The following SPTSSB variants were observed in gnomAD, a reference collection of about 807,000 sequenced individuals.
SPTSSB encodes the protein serine palmitoyltransferase small subunit B, also known as androgen down regulated in mouse prostate.
In SPTSSB, 6 loss-of-function variants were observed where a neutral mutation model predicts 7.7. The ratio of observed to expected loss-of-function variants is 0.78; its 90% CI spans 0.43 to 1.54. The LOEUF is 1.54. Ranked by LOEUF, SPTSSB falls within the 40% of genes most tolerant of loss-of-function variation. SPTSSB has a pLI of 0.01. For synonymous variants in SPTSSB, 28 were observed against 29.7 expected, an observed-to-expected ratio of 0.94 and a Z score of 0.19; for missense variants, 91 against 93.0, an observed-to-expected ratio of 0.98 and a Z score of 0.09.
chr3:161,368,636 C>T (rs1715322528), intron 1 of SPTSSB, among the ~76,000 whole-genome samples: 1 of 152,074 alleles, frequency 6.6e-6, no homozygotes, highest in African/African-American at 2.4e-5. Flanking sequence ...CCGTTTTAGC[C>T]GGGATGGTCT....
intron 1 of SPTSSB, among the ~76,000 whole-genome samples, chr3:161,362,752 T>C (rs899269262): frequency 6.6e-6 from 1 of 152,160 alleles, no homozygotes. Context: ...ATTTAACATA[T>C]ATTATTCATA....
rs1418735647 is a variant in SPTSSB at position 161,359,800 on chromosome 3, G to A, written n.178C>T. On this transcript the variant is annotated non_coding_transcript_exon_variant, in exon 2 of 2. Transcript: ENST00000497374. Reference sequence around the variant, plus strand: ...TCCGTGATATAATCAGAATTTACTTGCCTAAGAAAGTCCAGGTCTGGTTCT... The same window carrying A: ...TCCGTGATATAATCAGAATTTACTTACCTAAGAAAGTCCAGGTCTGGTTCT... 1.0e-6 allele frequency: 1 copy of A among 985,276 alleles called. No individual in the cohort carries two copies. The highest frequency in any genetic ancestry group is 1.2e-6 in the Non-Finnish European group (1 of 829,938). 61.0% of individuals were successfully genotyped at this position (985,276 alleles called of 1,614,324 possible).
intron 2 of SPTSSB, among the ~76,000 whole-genome samples, chr3:161,350,887 T>A (rs1714504228): frequency 6.6e-6 from 1 of 152,108 alleles, no homozygotes; most frequent in South Asian, 2.1e-4. Context: ...ATAATCTTCA[T>A]GATATGATGT....
At position 161,346,152 on chromosome 3, in the gene SPTSSB, G is replaced by A. The variant is rs745729640; in HGVS notation, c.172C>T (p.Arg58Cys). 4.3e-6 allele frequency: 7 copies of A among 1,612,200 alleles called. No individual in the cohort carries two copies. In the African/African-American group the frequency reaches 5.3e-5, roughly 12 times the overall value. The change falls in exon 3 of 3, where the codon CGC becomes TGC. Residue 58 changes from arginine (R) to cysteine (C), a missense_variant. Arg to Cys is a radical substitution (Grantham distance 180). Coordinates refer to ENST00000620149, the MANE Select transcript of SPTSSB (RefSeq NM_001040100.2). Reference sequence around the variant, plus strand: ...TTTGAGAAAAATTCCCAAGCCAGGCGAATGTGGATTGGAATAAAGACATAG... The same window carrying A: ...TTTGAGAAAAATTCCCAAGCCAGGCAAATGTGGATTGGAATAAAGACATAG... ...TAYVFIPIHI[R>C]LAWEFFSKIC...
At chr3:161,368,098 C>T (rs983553023) in intron 1 of SPTSSB, among the ~76,000 whole-genome samples, 3 of 152,158 alleles carry the variant, frequency 2.0e-5, no homozygotes, top group African/African-American at 4.8e-5. Flanking sequence ...CTGTGTGACA[C>T]CTGTGAAATT....
At chr3:161,369,963 GTTAT>G (rs1715438295) in intron 1 of SPTSSB, among the ~76,000 whole-genome samples, 1 of 152,126 alleles carries the variant, frequency 6.6e-6, no homozygotes, top group African/African-American at 2.4e-5. Flanking sequence ...ACTTTAAATG[GTTAT>G]TTATCTATAA....
chr3:161,368,429 CTTT>C (rs35828837), intron 1 of SPTSSB, among the ~76,000 whole-genome samples: 14 of 134,772 alleles, frequency 1.0e-4, no homozygotes, highest in Admixed American at 1.5e-4. Context: ...ATCTTACCTT[CTTT>C]TTTTTTTTTT....
intron 2 of SPTSSB, among the ~76,000 whole-genome samples, chr3:161,350,991 G>T (rs1714510629): frequency 6.6e-6 from 1 of 151,972 alleles, no homozygotes; most frequent in Non-Finnish European, 1.5e-5. Flanking sequence ...CCATTAGAGG[G>T]GCATTCTACA....
chr3:161,364,033 A>T (rs545046888), intron 1 of SPTSSB, among the ~76,000 whole-genome samples: 2 of 152,184 alleles, frequency 1.3e-5, no homozygotes, highest in Admixed American at 1.3e-4. Context: ...TCAGTTTTTC[A>T]TTAAGTTGCT....
chr3:161,364,402 T>A (rs1251019084), intron 1 of SPTSSB, among the ~76,000 whole-genome samples: 1 of 152,164 alleles, frequency 6.6e-6, no homozygotes, highest in Non-Finnish European at 1.5e-5. Context: ...CCTATGAGGA[T>A]CCCTTTGGTA....
intron 1 of SPTSSB, among the ~76,000 whole-genome samples, chr3:161,367,224 T>G (rs921252242): frequency 6.6e-6 from 1 of 152,200 alleles, no homozygotes; most frequent in Non-Finnish European, 1.5e-5. Context: ...TGCTGGACAT[T>G]AAAAATTATT....
intron 1 of SPTSSB, among the ~76,000 whole-genome samples, chr3:161,362,496 CATTG>C (rs1427984273): frequency 6.6e-6 from 1 of 152,024 alleles, no homozygotes; most frequent in Non-Finnish European, 1.5e-5. Context: ...TACTCCACAG[CATTG>C]ATTATTTTAG....
intron 1 of SPTSSB, among the ~76,000 whole-genome samples, chr3:161,369,719 T>C (rs1576905301): frequency 6.6e-6 from 1 of 152,218 alleles, no homozygotes; most frequent in South Asian, 2.1e-4. Flanking sequence ...TGAGTAATGC[T>C]GGTGGCCTGC....
chr3:161,370,912 G>A lies in SPTSSB; in HGVS notation c.-126+523C>T, dbSNP rs551536798. Among the ~76,000 whole-genome samples the A allele has an allele frequency of 3.3e-5, 5 of 152,316 alleles. 1 individual carries two copies. In the South Asian group the frequency reaches 1.0e-3, roughly 32 times the overall value. The stretch of plus-strand genomic sequence containing the variant: ...TGGTTACTTATAAAGGATGACTTAA[G>A]TATCTTTGAGAAAATACATACTGCT... On this transcript the variant is annotated intron_variant, in intron 1 of 2. Coordinates refer to ENST00000620149, the MANE Select transcript of SPTSSB (RefSeq NM_001040100.2).
intron 1 of SPTSSB, among the ~76,000 whole-genome samples, chr3:161,370,164 A>T (rs1240197872): frequency 6.6e-6 from 1 of 152,204 alleles, no homozygotes; most frequent in Admixed American, 6.5e-5. Flanking sequence ...TACAATTATA[A>T]AGGGCAGTTT....
intron 2 of SPTSSB, among the ~76,000 whole-genome samples, chr3:161,351,124 G>C (rs1028564202): frequency 2.6e-5 from 4 of 152,158 alleles, no homozygotes; most frequent in African/African-American, 9.6e-5. Flanking sequence ...TGGTATCCCA[G>C]ATGGAATCCT....
chr3:161,356,439 A>T (rs142218831), intron 2 of SPTSSB, among the ~76,000 whole-genome samples: 36 of 152,338 alleles, frequency 2.4e-4, no homozygotes, highest in African/African-American at 8.2e-4. Context: ...ATGGTGAGTT[A>T]CTGCAATATT....
intron 2 of SPTSSB, among the ~76,000 whole-genome samples, chr3:161,357,367 A>T (rs1714813045): frequency 6.6e-6 from 1 of 152,194 alleles, no homozygotes; most frequent in Non-Finnish European, 1.5e-5. Context: ...TAGTGTGGAT[A>T]TATTACTGTT....
chr3:161,369,187 A>T (rs1715348924), intron 1 of SPTSSB, among the ~76,000 whole-genome samples: 1 of 152,120 alleles, frequency 6.6e-6, no homozygotes, highest in African/African-American at 2.4e-5. Context: ...CACCAGCAAT[A>T]CCAGCAATAT....
Sources: allele counts gnomAD v4.1 joint callset (sites outside exome capture counted in the v4.1 genomes callset), GRCh38; gene constraint gnomAD v4.1.1; transcripts MANE v1.5; gene names NCBI Gene and HGNC (gene_info 2026-07-23, HGNC 2026-07-21).